The following MAGI1 variants were observed in gnomAD, a reference collection of about 807,000 sequenced individuals.
The protein encoded by MAGI1 is membrane-associated guanylate kinase, WW and PDZ domain-containing protein 1.
A neutral mutation model predicts 139.9 loss-of-function variants in MAGI1; 58 were observed. The ratio of observed to expected loss-of-function variants is 0.41; its 90% CI spans 0.34 to 0.52. The LOEUF (loss-of-function observed/expected upper bound fraction) is 0.52. Ranked by LOEUF, MAGI1 falls within the 20% of genes least tolerant of loss-of-function variation. The pLI is 0.12. For synonymous variants in MAGI1, 812 were observed against 737.9 expected (o/e 1.10, Z -1.63); for missense variants, 1,874 against 1,901.6 (o/e 0.99, Z 0.27).
chr3:65,454,870 C>A (rs1949290760), intron 5 of MAGI1, among the ~76,000 whole-genome samples: 2 of 152,104 alleles, frequency 1.3e-5, no homozygotes, highest in Admixed American at 1.3e-4. Flanking sequence ...TCTGTTCTTA[C>A]AATAACCCTA....
chr3:65,676,463 A>T (rs1422612027), intron 1 of MAGI1, among the ~76,000 whole-genome samples: 11 of 152,142 alleles, frequency 7.2e-5, no homozygotes, highest in African/African-American at 1.2e-4. Context: ...GATTTTTTTT[A>T]AAAAACGTAC....
chr3:65,947,295 A>G (rs748786328), intron 1 of MAGI1, among the ~76,000 whole-genome samples: 3 of 152,142 alleles, frequency 2.0e-5, no homozygotes, highest in Non-Finnish European at 2.9e-5. Context: ...GGTTTTATCT[A>G]TAGTAATTCT....
chr3:65,865,820 A>C (rs1355825880), intron 1 of MAGI1, among the ~76,000 whole-genome samples: 4 of 152,116 alleles, frequency 2.6e-5, no homozygotes, highest in Non-Finnish European at 5.9e-5. Flanking sequence ...CTGTATTTTT[A>C]GTAGAGACAC....
chr3:65,819,799 C>T (rs1408325488), intron 1 of MAGI1, among the ~76,000 whole-genome samples: 1 of 142,528 alleles, frequency 7.0e-6, no homozygotes, highest in African/African-American at 2.6e-5. Context: ...ATCGCTTGAA[C>T]CCAGGAGGCA....
chr3:65,374,836 T>A (rs1942345916), intron 18 of MAGI1, among the ~76,000 whole-genome samples: 1 of 152,050 alleles, frequency 6.6e-6, no homozygotes, highest in Non-Finnish European at 1.5e-5. Flanking sequence ...ATTTAACTAA[T>A]CACAAAAACA....
chr3:65,495,675 T>G, intron 2 of MAGI1, among the ~76,000 whole-genome samples: 1 of 152,162 alleles, frequency 6.6e-6, no homozygotes, highest in Non-Finnish European at 1.5e-5. Flanking sequence ...ACTGAAAGAT[T>G]AGAAAGTATC....
chr3:65,413,679 G>T (rs1232527562), intron 12 of MAGI1, among the ~76,000 whole-genome samples: 1 of 152,170 alleles, frequency 6.6e-6, no homozygotes, highest in East Asian at 1.9e-4. Context: ...CTTGGGCTTT[G>T]TTCAGCTATT....
At chr3:66,006,805 G>GGTTTT (rs10529713) in intron 1 of MAGI1, among the ~76,000 whole-genome samples, 79,847 of 147,758 alleles carry the variant, frequency 0.54, 22,190 homozygotes, top group Admixed American at 0.65. Context: ...TGAAGAACAT[G>GGTTTT]GTTTTGTTTT....
At chr3:65,665,722 G>C (rs1338258015) in intron 1 of MAGI1, among the ~76,000 whole-genome samples, 2 of 152,016 alleles carry the variant, frequency 1.3e-5, no homozygotes. Context: ...GACAGTATGT[G>C]GATCACTCTT....
chr3:65,561,919 C>A (rs2080371141), intron 2 of MAGI1, among the ~76,000 whole-genome samples: 1 of 152,136 alleles, frequency 6.6e-6, no homozygotes, highest in South Asian at 2.1e-4. Flanking sequence ...TCTCGTTCAA[C>A]CACAGTTTGA....
At chr3:65,489,069 T>C (rs1559600772) in intron 3 of MAGI1, among the ~76,000 whole-genome samples, 1 of 152,178 alleles carries the variant, frequency 6.6e-6, no homozygotes, top group Non-Finnish European at 1.5e-5. Flanking sequence ...GCTCTATCTT[T>C]GATTTACCAT....
chr3:65,403,624 A>T (rs1473280850), intron 12 of MAGI1, among the ~76,000 whole-genome samples: 1 of 152,192 alleles, frequency 6.6e-6, no homozygotes, highest in Non-Finnish European at 1.5e-5. Flanking sequence ...CTTTTACTGC[A>T]CTTGACTCTG....
chr3:65,541,927 C>T (rs1046933788), intron 2 of MAGI1, among the ~76,000 whole-genome samples: 2 of 152,110 alleles, frequency 1.3e-5, no homozygotes, highest in African/African-American at 4.8e-5. Context: ...CCAGGGCAAT[C>T]AGGCAGGAGA....
intron 1 of MAGI1, among the ~76,000 whole-genome samples, chr3:65,957,927 C>T (rs570866741): frequency 9.2e-5 from 14 of 152,000 alleles, no homozygotes; most frequent in Non-Finnish European, 1.6e-4. Flanking sequence ...CAGCACCACG[C>T]GCAGCTAATT....
At chr3:65,685,287 C>T (rs2087920691) in intron 1 of MAGI1, among the ~76,000 whole-genome samples, 1 of 148,794 alleles carries the variant, frequency 6.7e-6, no homozygotes, top group Non-Finnish European at 1.5e-5. Context: ...AAAATGTAAG[C>T]ACATGCTTGT....
chr3:66,022,833 A>G (rs1335712504), intron 1 of MAGI1, among the ~76,000 whole-genome samples: 1 of 152,234 alleles, frequency 6.6e-6, no homozygotes, highest in Non-Finnish European at 1.5e-5. Context: ...GTGCTCTGCT[A>G]ATCCTAACTG....
chr3:65,625,432 C>T (rs1314479687), intron 1 of MAGI1, among the ~76,000 whole-genome samples: 2 of 152,112 alleles, frequency 1.3e-5, no homozygotes, highest in Non-Finnish European at 2.9e-5. Flanking sequence ...TTAAGCCAGA[C>T]GTGCCTACTT....
intron 1 of MAGI1, among the ~76,000 whole-genome samples, chr3:66,034,129 C>T (rs942070184): frequency 6.6e-6 from 1 of 152,156 alleles, no homozygotes; most frequent in African/African-American, 2.4e-5. Flanking sequence ...TTTATTAAAA[C>T]ACCCCATGGT....
chr3:65,587,479 CTT>C (rs755825684), intron 2 of MAGI1, among the ~76,000 whole-genome samples: 3,689 of 109,108 alleles, frequency 0.034, 28 homozygotes, highest in African/African-American at 0.078. Flanking sequence ...TTACTTTTTT[CTT>C]TTTTTTTTTT....
Sources: allele counts gnomAD v4.1 joint callset (sites outside exome capture counted in the v4.1 genomes callset), GRCh38; gene constraint gnomAD v4.1.1; transcripts MANE v1.5; gene names NCBI Gene and HGNC (gene_info 2026-07-23, HGNC 2026-07-21).